Variants in CNTNAP4 observed in about 807,000 individuals in gnomAD.
CNTNAP4 encodes contactin associated protein family member 4, also known as contactin-associated protein-like 4.
Under a neutral mutation model 148.4 loss-of-function variants are expected in CNTNAP4, and 98 were observed. The observed-to-expected ratio is 0.66, with a 90% confidence interval of 0.56 to 0.78. CNTNAP4 has a LOEUF of 0.78. Ranked by LOEUF, CNTNAP4 falls within the 30% of genes least tolerant of loss-of-function variation. The pLI is 0.00. For missense variants in CNTNAP4, 1,935 were observed against 1,565.6 expected (o/e 1.24, Z -3.98); for synonymous variants, 730 against 565.1 (o/e 1.29, Z -4.14).
intron 4 of CNTNAP4, among the ~76,000 whole-genome samples, chr16:76,446,328 A>G (rs1002525030): frequency 6.6e-6 from 1 of 152,132 alleles, no homozygotes; most frequent in Non-Finnish European, 1.5e-5. Context: ...TTCATATTTT[A>G]TTGTATTTTT....
At chr16:76,509,683 C>A (rs1455555013) in intron 15 of CNTNAP4, among the ~76,000 whole-genome samples, 1 of 96,962 alleles carries the variant, frequency 1.0e-5, no homozygotes, top group African/African-American at 2.6e-5. Flanking sequence ...CTCATTTCTT[C>A]TTTCCCCTTC....
chr16:76,491,907 G>C (rs1250070614), intron 13 of CNTNAP4, among the ~76,000 whole-genome samples: 1 of 152,032 alleles, frequency 6.6e-6, no homozygotes, highest in Non-Finnish European at 1.5e-5. Flanking sequence ...TGGACACTTA[G>C]GTTTTTCCGT....
rs571131495 is a variant in CNTNAP4, at chr16:76,385,889, G to C, written c.390+30378G>C. On this transcript the variant is annotated intron_variant, in intron 3 of 23. Transcript: ENST00000611870. The stretch of plus-strand genomic sequence containing the variant: ...TGCATGGCAGCTTTCTTGTACTTAG[G>C]AACATAAGGCAGTATTTCAGCTCTA... Among the ~76,000 whole-genome samples, 9 of 152,044 alleles carry C rather than the reference G, an allele frequency of 5.9e-5. No homozygotes were observed. The South Asian group carries it at 1.9e-3, about 32-fold the overall frequency.
At chr16:76,366,195 G>A (rs2014102949) in intron 3 of CNTNAP4, among the ~76,000 whole-genome samples, 1 of 152,076 alleles carries the variant, frequency 6.6e-6, no homozygotes, top group Non-Finnish European at 1.5e-5. Flanking sequence ...TTGTTGTATA[G>A]TTAAACTCAT....
chr16:76,544,583 T>C (rs2084623291), intron 21 of CNTNAP4, among the ~76,000 whole-genome samples: 1 of 152,198 alleles, frequency 6.6e-6, no homozygotes, highest in African/African-American at 2.4e-5. Flanking sequence ...ATAAAGGTTT[T>C]AGTTAAACAG....
At position 76,521,259 on chromosome 16, in the gene CNTNAP4, GT is replaced by G; in HGVS notation, c.2486del (p.Val829AspfsTer3). ...TTTTAAGACAACAGCTTCATCTGGGGTATTTTTAGAGAACTTGGGGATTGCT... is the reference window on the plus strand; with the variant it reads ...TTTTAAGACAACAGCTTCATCTGGGGATTTTTAGAGAACTTGGGGATTGCT... The part of the protein sequence containing the change: ...FFFKTTASSG[V>X]FLENLGIADF... On this transcript the variant is annotated frameshift_variant, in exon 16 of 24. Coordinates refer to ENST00000611870, the MANE Select transcript of CNTNAP4 (RefSeq NM_033401.5). LOFTEE classifies it high-confidence loss of function. 6.2e-7 allele frequency: 1 copy of G among 1,612,706 alleles called. No homozygotes were observed. Among genetic ancestry groups the G allele is most frequent in the Non-Finnish European group, 8.5e-7 (1 of 1,179,346 alleles).
At chr16:76,472,274 T>C (rs925697253) in intron 10 of CNTNAP4, among the ~76,000 whole-genome samples, 2 of 152,004 alleles carry the variant, frequency 1.3e-5, no homozygotes, top group East Asian at 1.9e-4. Flanking sequence ...TATGATAATA[T>C]AATGACTTTA....
At chr16:76,512,584 G>T (rs1286428738) in intron 15 of CNTNAP4, among the ~76,000 whole-genome samples, 1 of 152,124 alleles carries the variant, frequency 6.6e-6, no homozygotes, top group African/African-American at 2.4e-5. Context: ...AATATAAAGA[G>T]CCCAGTTTTA....
rs117901452 is a variant in CNTNAP4 at position 76,282,608 on chromosome 16, T to G, written c.85+4861T>G. 8.1e-3 allele frequency among the ~76,000 whole-genome samples: 1,231 copies of G among 151,998 alleles called. 20 individuals are homozygous for G. Among genetic ancestry groups the G allele is most frequent in the East Asian group, 0.04 (205 of 5,172 alleles). Reference sequence around the variant, plus strand: ...TAAAAATTCTGAAATTGGCCAACTTTCTAGAATAAACTGAAAAATAGATTT... The same window carrying G: ...TAAAAATTCTGAAATTGGCCAACTTGCTAGAATAAACTGAAAAATAGATTT... On this transcript the variant is annotated intron_variant, in intron 1 of 23. Transcript: ENST00000611870.
chr16:76,462,387 T>C (rs1194187811), intron 9 of CNTNAP4, among the ~76,000 whole-genome samples: 2 of 152,206 alleles, frequency 1.3e-5, no homozygotes. Flanking sequence ...ATTTTCCTAA[T>C]GTTAAATGAT....
At chr16:76,356,534 C>A (rs1030535264) in intron 3 of CNTNAP4, among the ~76,000 whole-genome samples, 1 of 151,980 alleles carries the variant, frequency 6.6e-6, no homozygotes, top group African/African-American at 2.4e-5. Flanking sequence ...GGAAGAAGAA[C>A]CTAAAGGATG....
intron 15 of CNTNAP4, 84 bp from the exon 16 acceptor site, chr16:76,521,056 T>C (rs1425266147): frequency 1.5e-5 from 19 of 1,294,228 alleles, no homozygotes; most frequent in East Asian, 7.0e-5. Flanking sequence ...GTGCTAAAAA[T>C]AGAACATGTA....
chr16:76,516,999 G>C (rs1038617098), intron 15 of CNTNAP4, among the ~76,000 whole-genome samples: 7 of 152,216 alleles, frequency 4.6e-5, no homozygotes, highest in African/African-American at 1.7e-4. Flanking sequence ...GGGAGGTGGA[G>C]GTTGCAGTGG....
chr16:76,340,400 G>A (rs1011815194), intron 2 of CNTNAP4, among the ~76,000 whole-genome samples: 17 of 152,008 alleles, frequency 1.1e-4, no homozygotes, highest in African/African-American at 4.1e-4. Context: ...AGTGGCTCAG[G>A]TTTCCTGTTG....
intron 2 of CNTNAP4, among the ~76,000 whole-genome samples, chr16:76,342,882 C>T (rs1964594133): frequency 6.6e-6 from 1 of 152,112 alleles, no homozygotes; most frequent in South Asian, 2.1e-4. Flanking sequence ...GTAATTCATG[C>T]TAGTAATAGA....
At chr16:76,373,461 T>A (rs1465504681) in intron 3 of CNTNAP4, among the ~76,000 whole-genome samples, 1 of 152,192 alleles carries the variant, frequency 6.6e-6, no homozygotes, top group East Asian at 1.9e-4. Context: ...ATTTTTTCTT[T>A]TTATTATTAT....
intron 4 of CNTNAP4, among the ~76,000 whole-genome samples, chr16:76,434,082 G>C (rs568579363): frequency 6.8e-6 from 1 of 146,280 alleles, no homozygotes; most frequent in Non-Finnish European, 1.5e-5. Context: ...ATATACAAAG[G>C]GATATATATC....
At chr16:76,429,087 ACTATCTGTCCGC>A (rs1248220438) in intron 4 of CNTNAP4, among the ~76,000 whole-genome samples, 1 of 152,182 alleles carries the variant, frequency 6.6e-6, no homozygotes, top group African/African-American at 2.4e-5. Flanking sequence ...CTAACCTCTC[ACTATCTGTCCGC>A]CTTAATTGCA....
intron 4 of CNTNAP4, among the ~76,000 whole-genome samples, chr16:76,429,962 CA>C (rs1396176172): frequency 1.3e-5 from 2 of 152,038 alleles, no homozygotes; most frequent in Non-Finnish European, 2.9e-5. Context: ...AACTTTAAAC[CA>C]TTATTAAAGG....
Sources: gnomAD v4.1 joint callset for allele counts (sites outside exome capture counted in the v4.1 genomes callset) on GRCh38, gnomAD v4.1.1 for gene constraint, MANE v1.5 for transcripts, NCBI Gene and HGNC (gene_info 2026-07-23, HGNC 2026-07-21) for gene names.